Variants in CTTNBP2NL observed in about 807,000 individuals in gnomAD.
The protein encoded by CTTNBP2NL is CTTNBP2 N-terminal-like protein.
In CTTNBP2NL, 16 loss-of-function variants were observed where a neutral mutation model predicts 32.5. The observed-to-expected ratio is 0.49, with a 90% CI of 0.33 to 0.75. CTTNBP2NL has a LOEUF of 0.75. CTTNBP2NL is among the 30% of genes least tolerant of loss of function. The pLI, the probability that CTTNBP2NL is intolerant of heterozygous loss-of-function variation, is 0.02. For synonymous variants in CTTNBP2NL, 298 were observed against 289.4 expected, an observed-to-expected ratio of 1.03 and a Z score of -0.30; for missense variants, 645 against 756.0, an observed-to-expected ratio of 0.85 and a Z score of 1.72.
chr1:112,455,883 A>C (rs370622216), intron 5 of CTTNBP2NL, 48 bp from the exon 6 acceptor site: 1 of 1,372,920 alleles, frequency 7.3e-7, no homozygotes, highest in Admixed American at 2.3e-5. Flanking sequence ...AAGACAGTCT[A>C]CTTGATCACA....
At chr1:112,431,425 G>A (rs1489183573) in intron 3 of CTTNBP2NL, among the ~76,000 whole-genome samples, 1 of 152,182 alleles carries the variant, frequency 6.6e-6, no homozygotes, top group African/African-American at 2.4e-5. Flanking sequence ...AGAATAATTT[G>A]GAAGATAGGA....
intron 1 of CTTNBP2NL, among the ~76,000 whole-genome samples, chr1:112,406,256 T>C (rs147537450): frequency 6.6e-6 from 1 of 152,326 alleles, no homozygotes; most frequent in East Asian, 1.9e-4. Flanking sequence ...GCCTCAGTAC[T>C]CATCTGTAGA....
chr1:112,394,205 T>TAAAAA (rs60528857), upstream of CTTNBP2NL, among the ~76,000 whole-genome samples: 14 of 72,822 alleles, frequency 1.9e-4, no homozygotes, highest in Admixed American at 3.1e-4. Flanking sequence ...TCCATCTCGA[T>TAAAAA]AAAAAAAAAA....
chr1:112,400,959 CTG>C (rs1419311635), intron 1 of CTTNBP2NL, among the ~76,000 whole-genome samples: 3 of 115,470 alleles, frequency 2.6e-5, no homozygotes, highest in Non-Finnish European at 4.9e-5. Context: ...CAGCAAGACT[CTG>C]TCACCAAAAA....
In CTTNBP2NL at chr1:112,456,615, C is replaced by A. The variant is rs773905643; in HGVS notation, c.1123C>A (p.Arg375=). ...GNNVENQVPP[R]EKSVALAQEK... is the part of the protein sequence containing the mutation. ...CAATGTAGAAAACCAGGTGCCTCCA[C>A]GGGAAAAATCTGTGGCATTGGCCCA... The change falls in exon 6 of 6, where the codon CGG becomes AGG. Residue 375 remains arginine, a synonymous_variant. Transcript: ENST00000271277. The A allele has an allele frequency of 6.2e-7, 1 of 1,614,124 alleles. No homozygotes were observed. The highest frequency in any genetic ancestry group is 1.7e-5 in the Admixed American group (1 of 60,028).
At position 112,413,972 on chromosome 1, in the gene CTTNBP2NL, C is replaced by T. The variant is rs553495491; in HGVS notation, c.-10+1655C>T. ...CTGAGGCAGGAGAATCGCTGGAACCCGGGAGGCGGAGGTTGCAGTGAGCCA... is the reference window on the plus strand; with the variant it reads ...CTGAGGCAGGAGAATCGCTGGAACCTGGGAGGCGGAGGTTGCAGTGAGCCA... On this transcript the variant is annotated intron_variant, in intron 2 of 5. Transcript: ENST00000271277. Among the ~76,000 whole-genome samples, 7 of 152,028 alleles carry T rather than the reference C, an allele frequency of 4.6e-5. No individual in the cohort carries two copies. In the East Asian group the frequency reaches 5.8e-4, roughly 13 times the overall value.
intron 3 of CTTNBP2NL, among the ~76,000 whole-genome samples, chr1:112,439,151 G>A (rs1404483683): frequency 1.3e-5 from 2 of 152,086 alleles, no homozygotes; most frequent in Admixed American, 6.5e-5. Flanking sequence ...TAGGATGTAT[G>A]ATTACACTGT....
At chr1:112,450,670 A>G (rs1397940456) in intron 4 of CTTNBP2NL, among the ~76,000 whole-genome samples, 2 of 152,206 alleles carry the variant, frequency 1.3e-5, no homozygotes, top group African/African-American at 4.8e-5. Context: ...TGGAGAGAGG[A>G]AGAAGTTAAA....
intron 3 of CTTNBP2NL, among the ~76,000 whole-genome samples, chr1:112,418,717 C>G (rs1440878532): frequency 6.6e-6 from 1 of 152,044 alleles, no homozygotes; most frequent in Non-Finnish European, 1.5e-5. Context: ...CCACATAGTT[C>G]AGCAGGAAAG....
chr1:112,393,936 G>A (rs545677956), upstream of CTTNBP2NL, among the ~76,000 whole-genome samples: 9 of 152,294 alleles, frequency 5.9e-5, no homozygotes, highest in East Asian at 1.7e-3. Context: ...GCCGGGCATG[G>A]TGGTTTACGC....
At position 112,459,838 on chromosome 1, in the gene CTTNBP2NL, A is replaced by T. The variant is rs1157002634; in HGVS notation, c.*2426A>T. The stretch of plus-strand genomic sequence containing the variant: ...ATATATAGAGAGAGATACTATAAGG[A>T]AGTTTATTTCTTAGGAAGTGCACTG... On this transcript the variant is annotated 3_prime_UTR_variant, in exon 6 of 6. Coordinates refer to ENST00000271277, the MANE Select transcript of CTTNBP2NL (RefSeq NM_018704.3). 6.6e-6 allele frequency: 1 copy of T among 152,228 alleles called. No individual in the cohort carries two copies. 9.4% of individuals were successfully genotyped at this position (152,228 alleles called of 1,614,324 possible). A position where few individuals can be genotyped will look rare whatever the true frequency, so the allele number is the denominator to read the frequency against.
chr1:112,398,204 G>A (rs1164150639), intron 1 of CTTNBP2NL, among the ~76,000 whole-genome samples: 1 of 152,160 alleles, frequency 6.6e-6, no homozygotes, highest in Non-Finnish European at 1.5e-5. Context: ...AGGTTTAATA[G>A]GAAAAAGCAA....
Position 112,442,777 on chromosome 1 carries a change from G to A in CTTNBP2NL, c.100-6165G>A, listed in dbSNP as rs907445062. On this transcript the variant is annotated intron_variant, in intron 3 of 5. Transcript: ENST00000271277. ...GCAATCTCAGCTCACTATAACCTCCGCCTCCCATGTTCAAGCAATTCTCCT... is the reference window on the plus strand; with the variant it reads ...GCAATCTCAGCTCACTATAACCTCCACCTCCCATGTTCAAGCAATTCTCCT... Among the ~76,000 whole-genome samples the A allele has an allele frequency of 4.0e-5, 6 of 151,468 alleles. No homozygotes were observed. In the South Asian group the frequency reaches 6.3e-4, roughly 16 times the overall value.
At chr1:112,444,555 A>G (rs1053700049) in intron 3 of CTTNBP2NL, among the ~76,000 whole-genome samples, 1 of 152,074 alleles carries the variant, frequency 6.6e-6, no homozygotes, top group African/African-American at 2.4e-5. Flanking sequence ...CCAGCCAGTT[A>G]TTTTTCTGCT....
At chr1:112,429,483 A>G (rs1557891323) in intron 3 of CTTNBP2NL, among the ~76,000 whole-genome samples, 1 of 152,318 alleles carries the variant, frequency 6.6e-6, no homozygotes, top group East Asian at 1.9e-4. Flanking sequence ...GTGAATAGCT[A>G]TTGTACTCCA....
upstream of CTTNBP2NL, among the ~76,000 whole-genome samples, chr1:112,393,475 T>C (rs567038430): frequency 7.9e-5 from 12 of 152,314 alleles, no homozygotes; most frequent in African/African-American, 2.6e-4. Flanking sequence ...CATTAAAATG[T>C]TATATTTTGT....
At chr1:112,391,107 C>CTA in the CTTNBP2NL span, among the ~76,000 whole-genome samples, 1 of 152,194 alleles carries the variant, frequency 6.6e-6, no homozygotes, top group South Asian at 2.1e-4. Flanking sequence ...AAGAAGAGAA[C>CTA]GTTTAAGGAC....
At position 112,442,374 on chromosome 1, in the gene CTTNBP2NL, C is replaced by T. The variant is rs532300282; in HGVS notation, c.100-6568C>T. Among the ~76,000 whole-genome samples, 51 of 152,196 alleles carry T rather than the reference C, an allele frequency of 3.4e-4. No homozygotes were observed. In the East Asian group the frequency reaches 3.7e-3, roughly 11 times the overall value. On this transcript the variant is annotated intron_variant, in intron 3 of 5. Coordinates refer to ENST00000271277, the MANE Select transcript of CTTNBP2NL (RefSeq NM_018704.3). The stretch of plus-strand genomic sequence containing the variant: ...CTGACTTCAGGTGATCTTCCCGCCT[C>T]GGCCAAAAATAAATTATTTTTAAAT...
At chr1:112,412,608 CTTTTTTTTTTTTTTTT>C (rs35667800) in intron 2 of CTTNBP2NL, among the ~76,000 whole-genome samples, 1 of 88,922 alleles carries the variant, frequency 1.1e-5, no homozygotes, top group African/African-American at 5.5e-5. Context: ...GAGTTGGTAC[CTTTTTTTTTTTTTTTT>C]TTTTTTTTTT....
Sources: gnomAD v4.1 joint callset for allele counts (sites outside exome capture counted in the v4.1 genomes callset) on GRCh38, gnomAD v4.1.1 for gene constraint, MANE v1.5 for transcripts, NCBI Gene and HGNC (gene_info 2026-07-23, HGNC 2026-07-21) for gene names.